The following ZNF287 variants were observed in gnomAD, a reference collection of about 807,000 sequenced individuals.
The protein encoded by ZNF287 is zinc finger protein 287, also known as zinc finger protein with KRAB and SCAN domains 13.
A neutral mutation model predicts 73.7 loss-of-function variants in ZNF287; 31 were observed. The observed-to-expected ratio is 0.42, with a 90% confidence interval of 0.32 to 0.57. The LOEUF (loss-of-function observed/expected upper bound fraction) is 0.57, where lower values mean the gene tolerates loss of function less well. Ranked by LOEUF, ZNF287 falls within the 20% of genes least tolerant of loss-of-function variation. The pLI is 0.13. For synonymous variants in ZNF287, 301 were observed against 307.2 expected, an observed-to-expected ratio of 0.98 and a Z score of 0.21; for missense variants, 641 against 909.3, an observed-to-expected ratio of 0.70 and a Z score of 3.79.
rs191990821 is a variant in ZNF287 at position 16,556,916 on chromosome 17, C to T, written c.716-3490G>A. 8.7e-4 allele frequency among the ~76,000 whole-genome samples: 132 copies of T among 151,818 alleles called. 3 individuals carry two copies. The East Asian group carries it at 0.015, about 18-fold the overall frequency. On this transcript the variant is annotated intron_variant, in intron 5 of 5. Transcript: ENST00000395825. ...AGGCTGGAGTGCAATGGCGCGATCT[C>T]GGCTCACCACAACGTCTGCCTCCCA...
chr17:16,558,587 A>T, intron 5 of ZNF287, among the ~76,000 whole-genome samples: 1 of 152,228 alleles, frequency 6.6e-6, no homozygotes, highest in Non-Finnish European at 1.5e-5. Flanking sequence ...GGTGTGAGCC[A>T]CTGTGCCTGG....
intron 4 of ZNF287, 114 bp from the exon 5 acceptor site, chr17:16,563,346 C>G: frequency 1.4e-6 from 1 of 703,830 alleles, no homozygotes; most frequent in Non-Finnish European, 2.4e-6. Context: ...AACAATAGTT[C>G]ATGGACATGA....
rs1906343558 is a variant in ZNF287 at position 16,547,510 on chromosome 17, CG to C, written c.*4345del. On this transcript the variant is annotated 3_prime_UTR_variant, in exon 6 of 6. Coordinates refer to ENST00000395825, the MANE Select transcript of ZNF287 (RefSeq NM_020653.4). Reference sequence around the variant, plus strand: ...TTAACAAGATTTAGTTGTTTGCACCCGAAAGTTTATCCCAGTTATGTAATTA... The same window carrying C: ...TTAACAAGATTTAGTTGTTTGCACCCAAAGTTTATCCCAGTTATGTAATTA... Among the ~76,000 whole-genome samples the C allele has an allele frequency of 6.6e-6, 1 of 152,200 alleles. No individual in the cohort carries two copies. The highest frequency in any genetic ancestry group is 1.9e-4 in the East Asian group (1 of 5,188).
In ZNF287 at chr17:16,553,218, T is replaced by C; in HGVS notation, c.924A>G (p.Glu308=). 6.2e-7 allele frequency: 1 copy of C among 1,605,806 alleles called. No homozygotes were observed. The highest frequency in any genetic ancestry group is 8.5e-7 in the Non-Finnish European group (1 of 1,172,728). ...ATATATCATATTTACTAAGACATTCTTCTGTAGGATCATATTCTTGTGAAA... is the reference window on the plus strand; with the variant it reads ...ATATATCATATTTACTAAGACATTCCTCTGTAGGATCATATTCTTGTGAAA... The part of the protein sequence containing the change: ...SVLSQEYDPT[E]ECLSKYDIYR... Residue 308 remains glutamate, a synonymous_variant, in exon 6 of 6, where the codon GAA becomes GAG. Coordinates refer to ENST00000395825, the MANE Select transcript of ZNF287 (RefSeq NM_020653.4).
chr17:16,552,591 GAA>G lies in ZNF287; in HGVS notation c.1549_1550del (p.Phe517GlnfsTer20). ...GCTGAAGAAGGTGTGTACTCTGACTGAAAGTCTTCCCACATTCATTGCATATA... is the reference window on the plus strand; with the variant it reads ...GCTGAAGAAGGTGTGTACTCTGACTGAGTCTTCCCACATTCATTGCATATA... ...PYICNECGKTFSQSTHLLQHQ... is the reference protein window; with the variant it reads ...PYICNECGKTXSQSTHLLQHQ... On this transcript the variant is annotated frameshift_variant, in exon 6 of 6. Coordinates refer to ENST00000395825, the MANE Select transcript of ZNF287 (RefSeq NM_020653.4). LOFTEE classifies it high-confidence loss of function. The surrounding 1 kb of genome is among the most constrained non-coding windows in gnomAD (Gnocchi z 6.5). The G allele has an allele frequency of 3.1e-6, 5 of 1,614,074 alleles. No individual in the cohort carries two copies. Among genetic ancestry groups the G allele is most frequent in the Non-Finnish European group, 4.2e-6 (5 of 1,179,978 alleles).
intron 5 of ZNF287, 68 bp from the exon 6 acceptor site, chr17:16,553,494 A>G (rs1304101812): frequency 1.7e-5 from 21 of 1,240,210 alleles, no homozygotes; most frequent in Non-Finnish European, 2.2e-5. Flanking sequence ...AATAGAAACA[A>G]AAGAATAAAC....
At chr17:16,567,003 A>G (rs1251330809) in intron 2 of ZNF287, among the ~76,000 whole-genome samples, 1 of 152,176 alleles carries the variant, frequency 6.6e-6, no homozygotes, top group Non-Finnish European at 1.5e-5. Context: ...GAATGGTGCA[A>G]ACCTCTGAAG....
intron 5 of ZNF287, 31 bp from the exon 6 acceptor site, chr17:16,553,457 A>C: frequency 7.0e-7 from 1 of 1,425,036 alleles, no homozygotes; most frequent in South Asian, 1.7e-5. Context: ...AAAAATCTTC[A>C]TTTATTTGGA....
Position 16,566,633 on chromosome 17 carries a change from G to A in ZNF287, c.404-11C>T. On this transcript the variant is annotated splice_polypyrimidine_tract_variant and intron_variant, in intron 2 of 5. Coordinates refer to ENST00000395825, the MANE Select transcript of ZNF287 (RefSeq NM_020653.4). ...TAGAGTTTTGAGGAGCTAGAGAAGA[G>A]AAAGAGGTCATGAGGGAGATTAGTC... 2 of 1,601,580 alleles carry A rather than the reference G, an allele frequency of 1.2e-6. No homozygotes were observed. Among genetic ancestry groups the A allele is most frequent in the Non-Finnish European group, 1.7e-6 (2 of 1,171,260 alleles).
rs1194892919 is a variant in ZNF287, at chr17:16,553,028, C to G, written c.1114G>C (p.Val372Leu). 1 of 1,614,046 alleles carries G rather than the reference C, an allele frequency of 6.2e-7. No homozygotes were observed. Among genetic ancestry groups the G allele is most frequent in the African/African-American group, 1.3e-5 (1 of 74,934 alleles). Residue 372 changes from valine (V) to leucine (L), a missense_variant, in exon 6 of 6, where the codon GTG (valine) becomes CTG (leucine). Physicochemically the swap from Val to Leu is conservative, Grantham distance 32 (BLOSUM62 1). Around this residue, in one of 2 missense-constraint regions of ZNF287, gnomAD observed 357 missense variants for 442.4 expected, o/e 0.81. Transcript: ENST00000395825. Reference protein sequence around the residue: ...LPGEKPYKCNVCGKKFRKYPS... With the variant: ...LPGEKPYKCNLCGKKFRKYPS... ...TATTTCCTAAATTTTTTCCCACACA[C>G]ATTACACTTGTAAGGCTTCTCTCCA...
chr17:16,568,820 G>A (rs1907904651), intron 1 of ZNF287, 132 bp downstream of exon 1: 1 of 152,420 alleles, frequency 6.6e-6, no homozygotes, highest in African/African-American at 2.4e-5. Flanking sequence ...GCAACGCTGG[G>A]ACTGGGCCCA....
In ZNF287 at chr17:16,563,153, A is replaced by G. The variant is rs748043477; in HGVS notation, c.708T>C (p.Pro236=). ...WMVIKEILEG[P]SPEWETKAQA... ...GCGCTTTTTGTTTCTCACCTGGACT[A>G]GGGCCTTCTAAAATTTCTTTTATCA... Residue 236 remains proline, a synonymous_variant, in exon 5 of 6, where the codon CCT becomes CCC. Transcript: ENST00000395825. 3.1e-6 allele frequency: 5 copies of G among 1,611,918 alleles called. No individual in the cohort carries two copies. The African/African-American group carries it at 4.0e-5, about 13-fold the overall frequency.
At position 16,549,496 on chromosome 17, in the gene ZNF287, T is replaced by A. The variant is rs1299771143; in HGVS notation, c.*2360A>T. Among the ~76,000 whole-genome samples the A allele has an allele frequency of 1.3e-5, 2 of 152,200 alleles. No individual in the cohort carries two copies. Among genetic ancestry groups the A allele is most frequent in the South Asian group, 2.1e-4 (1 of 4,830 alleles). On this transcript the variant is annotated 3_prime_UTR_variant, in exon 6 of 6. Coordinates refer to ENST00000395825, the MANE Select transcript of ZNF287 (RefSeq NM_020653.4). ...TAAGATTTTCAAACAACTGTTATTTTAAAAAACAGCTATATAAGCACAGTT... is the reference window on the plus strand; with the variant it reads ...TAAGATTTTCAAACAACTGTTATTTAAAAAAACAGCTATATAAGCACAGTT...
intron 1 of ZNF287, 142 bp from the exon 2 acceptor site, chr17:16,568,071 T>C: frequency 2.6e-6 from 2 of 768,178 alleles, no homozygotes. Flanking sequence ...ATCCTTAGAC[T>C]TGTAAGGGAA....
Position 16,553,399 on chromosome 17 carries a change from G to A in ZNF287, c.743C>T (p.Thr248Ile), listed in dbSNP as rs574943536. 3.5e-5 allele frequency: 55 copies of A among 1,559,032 alleles called. No individual in the cohort carries two copies. The highest frequency in any genetic ancestry group is 4.5e-5 in the Non-Finnish European group (52 of 1,156,156). ...GAGTTTAGACATATCCTCCACTGGA[G>A]TACATGCTTGGGCTTTAGTTTCCCA... ...PEWETKAQAC[T>I]PVEDMSKLTK... The change falls in exon 6 of 6, where the codon ACT (threonine) becomes ATT (isoleucine). Residue 248 changes from threonine to isoleucine, a missense_variant. Transcript: ENST00000395825.
intron 5 of ZNF287, chr17:16,558,192 C>T (rs1470979381): frequency 6.6e-6 from 1 of 152,100 alleles, no homozygotes; most frequent in African/African-American, 2.4e-5. Context: ...GCATATAAGG[C>T]CATAAATTAT....
chr17:16,558,425 T>C (rs1186257762), intron 5 of ZNF287: 1 of 152,058 alleles, frequency 6.6e-6, no homozygotes, highest in Non-Finnish European at 1.5e-5. Flanking sequence ...GCCTCCCTGG[T>C]AGCTGGGACT....
At chr17:16,554,437 G>A (rs1906906777) in intron 5 of ZNF287, among the ~76,000 whole-genome samples, 1 of 152,092 alleles carries the variant, frequency 6.6e-6, no homozygotes, top group Non-Finnish European at 1.5e-5. Context: ...GCCTCTCAAA[G>A]TGTTAGGGTT....
rs1907847200 is a variant in ZNF287 at position 16,567,826 on chromosome 17, A to G, written c.-95T>C. 4.7e-6 allele frequency: 7 copies of G among 1,502,946 alleles called. No individual in the cohort carries two copies. Among genetic ancestry groups the G allele is most frequent in the South Asian group, 4.1e-5 (3 of 73,716 alleles). The allele number at this position is 1,502,946 out of a possible 1,614,324, so 93.1% of individuals were successfully genotyped here. On this transcript the variant is annotated 5_prime_UTR_variant, in exon 2 of 6. Transcript: ENST00000395825. ...CTCATGCTAGAGTCACAAGGACACT[A>G]TATCAAAGGCTGCTGCAGCCGAGGG...
Sources: allele counts gnomAD v4.1 joint callset (sites outside exome capture counted in the v4.1 genomes callset), GRCh38; gene constraint gnomAD v4.1.1; regional missense constraint gnomAD v4.1.1; non-coding constraint Gnocchi (gnomAD v3.1); transcripts MANE v1.5; gene names NCBI Gene and HGNC (gene_info 2026-07-23, HGNC 2026-07-21).